Variants in RAB1A observed in about 807,000 individuals in gnomAD.
RAB1A encodes RAB1A, member RAS oncogene family, also known as ras-related protein Rab-1A.
Under a neutral mutation model 26.0 loss-of-function variants are expected in RAB1A, and 2 were observed. The ratio of observed to expected loss-of-function variants is 0.08; its 90% CI spans 0.03 to 0.24. RAB1A has a LOEUF of 0.24. Ranked by LOEUF, RAB1A falls within the 10% of genes least tolerant of loss-of-function variation. The pLI is 1.00. For synonymous variants in RAB1A, 84 were observed against 84.9 expected, an observed-to-expected ratio of 0.99 and a Z score of 0.06; for missense variants, 100 against 247.0, an observed-to-expected ratio of 0.40 and a Z score of 3.99.
chr2:65,126,092 A>G (rs1210726441), intron 1 of RAB1A, among the ~76,000 whole-genome samples: 6 of 150,826 alleles, frequency 4.0e-5, no homozygotes, highest in Non-Finnish European at 8.9e-5. Context: ...CTGGTCTTGA[A>G]CTCCTGACCT....
chr2:65,094,768 CAT>C (rs1353651346), intron 3 of RAB1A, among the ~76,000 whole-genome samples: 1 of 152,068 alleles, frequency 6.6e-6, no homozygotes, highest in Non-Finnish European at 1.5e-5. Context: ...GGATTTACCT[CAT>C]GTGTTATATC....
Position 65,104,765 on chromosome 2 carries a change from A to G in RAB1A, c.65T>C (p.Val22Ala). ...FKLLLIGDSG[V>A]GKSCLLLRFA... ...CCTAAGAAGAAGGCAAGACTTTCCAACCCCTGAGTCGCCAATCAGAAGTAA... is the reference window on the plus strand; with the variant it reads ...CCTAAGAAGAAGGCAAGACTTTCCAGCCCCTGAGTCGCCAATCAGAAGTAA... Residue 22 changes from valine to alanine, a missense_variant, in exon 2 of 6, where the codon GTT (valine) becomes GCT (alanine). Val to Ala is a moderately conservative substitution (Grantham distance 64). Transcript: ENST00000409784. 1.2e-6 allele frequency: 2 copies of G among 1,602,940 alleles called. No homozygotes were observed. The highest frequency in any genetic ancestry group is 1.7e-6 in the Non-Finnish European group (2 of 1,173,484).
intron 1 of RAB1A, among the ~76,000 whole-genome samples, chr2:65,125,463 T>A (rs1670076704): frequency 7.2e-6 from 1 of 137,970 alleles, no homozygotes; most frequent in Non-Finnish European, 1.5e-5. Flanking sequence ...ACTCTGTCCC[T>A]CAGGCTGGAG....
In RAB1A at chr2:65,123,233, C is replaced by T. The variant is rs533171066; in HGVS notation, c.23+6660G>A. Among the ~76,000 whole-genome samples, 842 of 146,638 alleles carry T rather than the reference C, an allele frequency of 5.7e-3. 8 individuals carry two copies. The highest frequency in any genetic ancestry group is 0.02 in the African/African-American group (811 of 39,630). On this transcript the variant is annotated intron_variant, in intron 1 of 5. Coordinates refer to ENST00000409784, the MANE Select transcript of RAB1A (RefSeq NM_004161.5). Reference sequence around the variant, plus strand: ...TCGCCCAGGCTGGAGTGCAGTGGCGCGATCTCGGCTCACTGCAAGCTCTGC... The same window carrying T: ...TCGCCCAGGCTGGAGTGCAGTGGCGTGATCTCGGCTCACTGCAAGCTCTGC...
chr2:65,107,480 T>C (rs1573077444), intron 1 of RAB1A, among the ~76,000 whole-genome samples: 1 of 151,408 alleles, frequency 6.6e-6, no homozygotes, highest in South Asian at 2.1e-4. Context: ...AGTAGGTTGG[T>C]TTTTTGGGGG....
intron 1 of RAB1A, among the ~76,000 whole-genome samples, chr2:65,123,216 G>A (rs1670014521): frequency 6.7e-6 from 1 of 148,234 alleles, no homozygotes; most frequent in South Asian, 2.2e-4. Flanking sequence ...TGTCGCCCAG[G>A]CTGGAGTGCA....
chr2:65,109,115 A>G (rs1669633661), intron 1 of RAB1A, among the ~76,000 whole-genome samples: 3 of 152,230 alleles, frequency 2.0e-5, no homozygotes. Context: ...TTATTTCTCA[A>G]CTGTAAATAT....
chr2:65,094,066 C>A (rs1216639557), intron 3 of RAB1A, among the ~76,000 whole-genome samples: 2 of 151,924 alleles, frequency 1.3e-5, no homozygotes, highest in Non-Finnish European at 2.9e-5. Context: ...CATCTCCGGG[C>A]TCAAGCAATC....
At chr2:65,100,738 G>A (rs1165971084) in intron 2 of RAB1A, among the ~76,000 whole-genome samples, 19 of 145,272 alleles carry the variant, frequency 1.3e-4, no homozygotes, top group Middle Eastern at 3.6e-3. Context: ...CAGCCTGGGC[G>A]ACAGAGCGAG....
intron 1 of RAB1A, among the ~76,000 whole-genome samples, chr2:65,115,114 C>T (rs1669795591): frequency 6.6e-6 from 1 of 152,162 alleles, no homozygotes; most frequent in South Asian, 2.1e-4. Flanking sequence ...TCCCAGCCTC[C>T]AGAACCACAG....
chr2:65,127,321 TAA>T (rs1254676613), intron 1 of RAB1A, among the ~76,000 whole-genome samples: 1 of 152,182 alleles, frequency 6.6e-6, no homozygotes, highest in Non-Finnish European at 1.5e-5. Flanking sequence ...CTCTCTTCTA[TAA>T]AGTCTTCCAA....
At chr2:65,123,406 G>C (rs1670019319) in intron 1 of RAB1A, among the ~76,000 whole-genome samples, 1 of 151,920 alleles carries the variant, frequency 6.6e-6, no homozygotes, top group Admixed American at 6.6e-5. Flanking sequence ...CTGACCTCGT[G>C]ATTCGCCCAC....
chr2:65,122,175 A>T (rs1669979737), intron 1 of RAB1A, among the ~76,000 whole-genome samples: 2 of 99,210 alleles, frequency 2.0e-5, no homozygotes, highest in Admixed American at 1.1e-4. Flanking sequence ...AAAAAAAAAA[A>T]AAAAAAAAAA....
At chr2:65,091,718 T>G (rs1367770605) in intron 3 of RAB1A, among the ~76,000 whole-genome samples, 3 of 151,846 alleles carry the variant, frequency 2.0e-5, no homozygotes, top group African/African-American at 7.3e-5. Context: ...AGAGACAGAG[T>G]CTCGCTACAT....
chr2:65,101,757 T>G (rs1669435839), intron 2 of RAB1A, among the ~76,000 whole-genome samples: 1 of 143,040 alleles, frequency 7.0e-6, no homozygotes, highest in Non-Finnish European at 1.5e-5. Flanking sequence ...TTTTTTTTTT[T>G]TTTTTTTTTG....
At chr2:65,128,611 T>C (rs527628119) in intron 1 of RAB1A, among the ~76,000 whole-genome samples, 2 of 152,344 alleles carry the variant, frequency 1.3e-5, no homozygotes, top group Admixed American at 1.3e-4. Flanking sequence ...ACAAAACTTG[T>C]AAGCATTTTG....
At chr2:65,106,375 C>A in intron 1 of RAB1A, 1 of 339,040 alleles carries the variant, frequency 2.9e-6, no homozygotes, top group Non-Finnish European at 5.8e-6. Flanking sequence ...AAATTATTTA[C>A]ATGTAAACAA....
intron 1 of RAB1A, among the ~76,000 whole-genome samples, chr2:65,118,472 T>TTTTG (rs1055357264): frequency 3.3e-5 from 5 of 152,024 alleles, no homozygotes; most frequent in African/African-American, 9.7e-5. Context: ...TATTTTCCTT[T>TTTTG]TTTGTTTGTT....
chr2:65,118,651 G>T (rs1362855244), intron 1 of RAB1A, among the ~76,000 whole-genome samples: 1 of 151,988 alleles, frequency 6.6e-6, no homozygotes. Context: ...CTGATTTTTT[G>T]TATTTTAGTA....
Sources: allele counts gnomAD v4.1 joint callset (sites outside exome capture counted in the v4.1 genomes callset), GRCh38; gene constraint gnomAD v4.1.1; transcripts MANE v1.5; gene names NCBI Gene and HGNC (gene_info 2026-07-23, HGNC 2026-07-21).